PRDX3: variants seen among roughly 807,000 people sequenced by gnomAD.
PRDX3 encodes thioredoxin-dependent peroxide reductase, mitochondrial.
PRDX3 carries 20 observed loss-of-function variants against 30.4 expected under a neutral mutation model. That is an observed-to-expected ratio of 0.66 (90% CI 0.46 to 0.96). The LOEUF (loss-of-function observed/expected upper bound fraction) is 0.96, where lower values mean the gene tolerates loss of function less well. Ranked by LOEUF, PRDX3 falls within the 40% of genes least tolerant of loss-of-function variation. PRDX3 has a pLI of 0.00. For missense variants in PRDX3, 322 were observed against 318.3 expected (o/e 1.01, Z -0.09); for synonymous variants, 124 against 117.8 (o/e 1.05, Z -0.34).
intron 4 of PRDX3, 80 bp from the exon 5 acceptor site, chr10:119,172,565 AC>A (rs1320580049): frequency 7.0e-6 from 8 of 1,144,118 alleles, no homozygotes; most frequent in Non-Finnish European, 1.1e-5. Flanking sequence ...TTTGAGACCA[AC>A]AGTAACGGCG....
intron 4 of PRDX3, among the ~76,000 whole-genome samples, chr10:119,172,751 G>T (rs1847938923): frequency 6.6e-6 from 1 of 152,016 alleles, no homozygotes; most frequent in Admixed American, 6.6e-5. Flanking sequence ...TTTACACCCG[G>T]CTAATACTAT....
At chr10:119,168,793 C>T (rs1295125251) in intron 6 of PRDX3, among the ~76,000 whole-genome samples, 2 of 152,040 alleles carry the variant, frequency 1.3e-5, no homozygotes. Flanking sequence ...CTGGCTAACA[C>T]GGTGAAACCC....
intron 2 of PRDX3, chr10:119,174,861 C>T: frequency 3.0e-6 from 1 of 338,800 alleles, no homozygotes; most frequent in Non-Finnish European, 5.3e-6. Context: ...ATACTTAAAT[C>T]ATCTCTAGAT....
chr10:119,178,730 C>T, intron 1 of PRDX3, 25 bp downstream of exon 1: 1 of 1,550,994 alleles, frequency 6.4e-7, no homozygotes. Context: ...GTCTCCACGC[C>T]TGTCCCCAGC....
chr10:119,169,576 C>G (rs1281187947), intron 5 of PRDX3: 1 of 407,378 alleles, frequency 2.5e-6, no homozygotes. Context: ...GCAGTATGGT[C>G]ACACTTACAA....
intron 4 of PRDX3, among the ~76,000 whole-genome samples, chr10:119,172,799 C>T (rs1288224197): frequency 6.6e-6 from 1 of 152,064 alleles, no homozygotes; most frequent in Non-Finnish European, 1.5e-5. Context: ...CACAGAGTCT[C>T]GCTGTCACCA....
intron 2 of PRDX3, 153 bp from the exon 3 acceptor site, chr10:119,174,745 C>T (rs115620128): frequency 9.0e-5 from 63 of 697,594 alleles, no homozygotes; most frequent in African/African-American, 7.8e-4. Context: ...CACAGTCATC[C>T]TTTGCCACCT....
chr10:119,177,231 GT>G, intron 1 of PRDX3, 78 bp from the exon 2 acceptor site: 4 of 1,476,024 alleles, frequency 2.7e-6, no homozygotes, highest in Non-Finnish European at 3.7e-6. Context: ...GCCAACGGTG[GT>G]TTCAGCTGTC....
chr10:119,168,409 G>GA lies in PRDX3; in HGVS notation c.*70dup. 1 of 1,604,014 alleles carries GA rather than the reference G, an allele frequency of 6.2e-7. No individual in the cohort carries two copies. Among genetic ancestry groups the GA allele is most frequent in the South Asian group, 1.1e-5 (1 of 89,528 alleles). On this transcript the variant is annotated 3_prime_UTR_variant, in exon 7 of 7. Transcript: ENST00000298510. ...CTTGCCTTCTACAAATAACCATCTT[G>GA]AAAATGATAAAAGCAGGTTTCAACT...
chr10:119,176,453 C>T lies in PRDX3; in HGVS notation c.169+568G>A, dbSNP rs904567632. 2.6e-5 allele frequency among the ~76,000 whole-genome samples: 4 copies of T among 152,266 alleles called. No individual in the cohort carries two copies. The South Asian group carries it at 6.2e-4, about 24-fold the overall frequency. ...TATTAAATACGGGCTTTTTCAAAGG[C>T]TAGTCAAATCTAGACAAGGTATTTT... is the stretch of plus-strand genomic sequence containing the variant. On this transcript the variant is annotated intron_variant, in intron 2 of 6. Transcript: ENST00000298510.
chr10:119,178,332 G>A lies in PRDX3; in HGVS notation c.36+423C>T, dbSNP rs543222229. Among the ~76,000 whole-genome samples the A allele has an allele frequency of 3.8e-4, 58 of 152,326 alleles. No homozygotes were observed. In the South Asian group the frequency reaches 0.012, roughly 31 times the overall value. On this transcript the variant is annotated intron_variant, in intron 1 of 6. Transcript: ENST00000298510. ...GGATTGGGAGGGAAAGCCTTTGTGAGTTTTTTAGCACTTTGCGCGTTTTTA... is the reference window on the plus strand; with the variant it reads ...GGATTGGGAGGGAAAGCCTTTGTGAATTTTTTAGCACTTTGCGCGTTTTTA...
At chr10:119,173,621 A>AAC in intron 4 of PRDX3, 116 bp downstream of exon 4, 22 of 1,246,270 alleles carry the variant, frequency 1.8e-5, no homozygotes, top group Non-Finnish European at 2.2e-5. Flanking sequence ...AAAAAAAAAA[A>AAC]AAAAAAAAAC....
Position 119,168,519 on chromosome 10 carries a change from T to G in PRDX3, c.732A>C (p.Pro244=), listed in dbSNP as rs1424894712. The change falls in exon 7 of 7, where the codon CCA becomes CCC. Residue 244 remains proline, a synonymous_variant. Coordinates refer to ENST00000298510, the MANE Select transcript of PRDX3 (RefSeq NM_006793.5). ...TPDSPTIKPS[P]AASKEYFQKV... ...TCTGAAAGTACTCTTTGGAAGCAGC[T>G]GGACTTGGCTTGATCTGAAAATACA... 6.2e-7 allele frequency: 1 copy of G among 1,613,830 alleles called. No individual in the cohort carries two copies. The highest frequency in any genetic ancestry group is 8.5e-7 in the Non-Finnish European group (1 of 1,180,008).
chr10:119,173,567 C>T (rs553687377), intron 4 of PRDX3, among the ~76,000 whole-genome samples, 170 bp downstream of exon 4: 17 of 151,752 alleles, frequency 1.1e-4, no homozygotes, highest in African/African-American at 4.1e-4. Context: ...TGAGATTGTG[C>T]CATTGCACTC....
Position 119,178,773 on chromosome 10 carries a change from T to C in PRDX3, c.18A>G (p.Gly6=). The change falls in exon 1 of 7, where the codon GGA becomes GGG. Residue 6 remains glycine, a synonymous_variant. Coordinates refer to ENST00000298510, the MANE Select transcript of PRDX3 (RefSeq NM_006793.5). ...CACTCACCGACGCTCGGAGCAACCG[T>C]CCTACAGCAGCCGCCATCTTCAGTG... MAAAV[G]RLLRASVARH... The C allele has an allele frequency of 6.4e-7, 1 of 1,552,648 alleles. No individual in the cohort carries two copies. The highest frequency in any genetic ancestry group is 1.2e-5 in the South Asian group (1 of 84,196).
Position 119,178,786 on chromosome 10 carries a change from G to A in PRDX3, c.5C>T (p.Ala2Val), listed in dbSNP as rs372712136. 1.1e-5 allele frequency: 17 copies of A among 1,552,770 alleles called. No homozygotes were observed. The highest frequency in any genetic ancestry group is 9.7e-5 in the East Asian group (4 of 41,054). The change falls in exon 1 of 7, where the codon GCG becomes GTG. Residue 2 changes from alanine (A) to valine (V), a missense_variant. By Grantham distance (64) the Ala-to-Val change is moderately conservative. Transcript: ENST00000298510. MAAAVGRLLRAS... is the reference protein window; with the variant it reads MVAAVGRLLRAS... ...TCGGAGCAACCGTCCTACAGCAGCC[G>A]CCATCTTCAGTGCACTCGGGCGCCA...
intron 2 of PRDX3, among the ~76,000 whole-genome samples, chr10:119,176,113 G>A (rs1234335752): frequency 6.6e-6 from 1 of 152,014 alleles, no homozygotes; most frequent in Non-Finnish European, 1.5e-5. Flanking sequence ...ACGTATTGAG[G>A]GGAGGTATGG....
intron 5 of PRDX3, among the ~76,000 whole-genome samples, chr10:119,171,976 G>A (rs903190853): frequency 1.3e-5 from 2 of 152,200 alleles, no homozygotes; most frequent in Non-Finnish European, 2.9e-5. Flanking sequence ...ATGGAGCAGT[G>A]TGGCCTCAAG....
intron 3 of PRDX3, among the ~76,000 whole-genome samples, 192 bp from the exon 4 acceptor site, chr10:119,174,064 T>G (rs1380887676): frequency 6.6e-6 from 1 of 152,074 alleles, no homozygotes; most frequent in Non-Finnish European, 1.5e-5. Context: ...AGGAATTGTA[T>G]CAAAAAATGG....
Sources: gnomAD v4.1 joint callset for allele counts (sites outside exome capture counted in the v4.1 genomes callset) on GRCh38, gnomAD v4.1.1 for gene constraint, MANE v1.5 for transcripts, NCBI Gene and HGNC (gene_info 2026-07-23, HGNC 2026-07-21) for gene names.